The following TBL1Y variants were observed in gnomAD, a reference collection of about 807,000 sequenced individuals.
The protein encoded by TBL1Y is transducin beta like 1 Y-linked, also known as F-box-like/WD repeat-containing protein TBL1Y.
TBL1Y carries 15 observed loss-of-function variants against 12.0 expected under a neutral mutation model. That is an observed-to-expected ratio of 1.25 (90% CI 0.83 to 1.92). TBL1Y has a LOEUF of 1.92. TBL1Y is among the 40% of genes most tolerant of loss of function. The pLI is 0.00. For synonymous variants in TBL1Y, 53 were observed against 42.6 expected (o/e 1.24, Z -0.95); for missense variants, 148 against 116.7 (o/e 1.27, Z -1.24).
intron 3 of TBL1Y, among the ~76,000 whole-genome samples, chrY:6,978,913 G>T: frequency 3.1e-5 from 1 of 32,450 alleles, no homozygotes. Flanking sequence ...TTGTACAACA[G>T]TGCACTATTA....
chrY:7,002,461 A>C, intron 4 of TBL1Y, among the ~76,000 whole-genome samples: 1 of 33,621 alleles, frequency 3.0e-5, no homozygotes, highest in African/African-American at 1.2e-4. Context: ...CAGGCGCCTG[A>C]GGGAAAAGAC....
intron 4 of TBL1Y, among the ~76,000 whole-genome samples, chrY:7,020,351 A>T: frequency 3.0e-5 from 1 of 33,324 alleles, no homozygotes; most frequent in Non-Finnish European, 7.4e-5. Context: ...TGGGACGCTG[A>T]GGTGGGTGGA....
At chrY:7,037,493 T>C in intron 6 of TBL1Y, among the ~76,000 whole-genome samples, 1 of 33,831 alleles carries the variant, frequency 3.0e-5, no homozygotes, top group Non-Finnish European at 7.3e-5. Context: ...TTTGTTTTTA[T>C]GTATGGTGAG....
intron 8 of TBL1Y, 39 bp downstream of exon 8, chrY:7,064,188 G>C (rs777753133): frequency 1.5e-5 from 6 of 394,263 alleles, no homozygotes; most frequent in South Asian, 3.0e-5. Context: ...GGGCCTCTCT[G>C]GGTTCATTGT....
intron 7 of TBL1Y, among the ~76,000 whole-genome samples, chrY:7,061,591 C>T: frequency 3.1e-5 from 1 of 32,121 alleles, no homozygotes; most frequent in Non-Finnish European, 7.6e-5. Flanking sequence ...CTACCAGCTG[C>T]TTATACCGCT....
chrY:7,063,981 C>T lies in TBL1Y; in HGVS notation c.289C>T (p.Gln97Ter). The T allele has an allele frequency of 2.5e-6, 1 of 398,454 alleles. No individual in the cohort carries two copies. Among genetic ancestry groups the T allele is most frequent in the Non-Finnish European group, 3.5e-6 (1 of 283,504 alleles). ...TCCTGATGTGGTGCAGATGCGGCAGCAGGCATTTGGAGAGAAGCTCACTCA... is the reference window on the plus strand; with the variant it reads ...TCCTGATGTGGTGCAGATGCGGCAGTAGGCATTTGGAGAGAAGCTCACTCA... ...VIPDVVQMRQ[Q>*]AFGEKLTQQQ... Residue 97 changes from glutamine (Q) to a stop codon, truncating the protein, a stop_gained, in exon 8 of 19, where the codon CAG becomes TAG. Transcript: ENST00000383032. LOFTEE classifies it high-confidence loss of function.
At chrY:6,956,905 A>G (rs758083982) in intron 2 of TBL1Y, among the ~76,000 whole-genome samples, 30 of 33,892 alleles carry the variant, frequency 8.9e-4, no homozygotes, top group African/African-American at 3.3e-3. Flanking sequence ...TGTTGCTTCT[A>G]TGACATGGGA....
At chrY:6,986,388 A>G in intron 3 of TBL1Y, among the ~76,000 whole-genome samples, 2 of 33,051 alleles carry the variant, frequency 6.1e-5, no homozygotes, top group Non-Finnish European at 1.5e-4. Flanking sequence ...TGAGCCAGGT[A>G]TGGTGGGGTC....
intron 13 of TBL1Y, among the ~76,000 whole-genome samples, chrY:7,078,916 G>A (rs747012955): frequency 3.0e-5 from 1 of 33,555 alleles, no homozygotes; most frequent in South Asian, 6.7e-4. Context: ...GGCCCCTGCA[G>A]TGGAGAGAGG....
At chrY:6,913,287 A>G in intron 2 of TBL1Y, among the ~76,000 whole-genome samples, 1 of 33,017 alleles carries the variant, frequency 3.0e-5, no homozygotes, top group Non-Finnish European at 7.4e-5. Context: ...AATGGACTGC[A>G]TGGAGATATA....
At chrY:7,074,970 C>T in intron 13 of TBL1Y, among the ~76,000 whole-genome samples, 1 of 33,023 alleles carries the variant, frequency 3.0e-5, no homozygotes, top group Non-Finnish European at 7.5e-5. Flanking sequence ...CCATTAATGA[C>T]GAATGTCTGA....
intron 2 of TBL1Y, among the ~76,000 whole-genome samples, chrY:6,935,205 C>G (rs1603026761): frequency 3.1e-5 from 1 of 32,486 alleles, no homozygotes; most frequent in Non-Finnish European, 7.5e-5. Context: ...ACCAGCACCA[C>G]AATCAAAGAA....
At chrY:7,075,781 C>A in intron 13 of TBL1Y, among the ~76,000 whole-genome samples, 1 of 33,215 alleles carries the variant, frequency 3.0e-5, no homozygotes, top group East Asian at 7.9e-4. Flanking sequence ...CCTTTGCGGA[C>A]AGGAAGGGTT....
chrY:6,984,305 G>A, intron 3 of TBL1Y, among the ~76,000 whole-genome samples: 1 of 32,983 alleles, frequency 3.0e-5, no homozygotes, highest in Non-Finnish European at 7.5e-5. Context: ...GCTTCTTCAC[G>A]GGTCCCTATG....
At chrY:7,070,972 C>A in intron 10 of TBL1Y, 111 bp downstream of exon 10, 1 of 273,858 alleles carries the variant, frequency 3.7e-6, no homozygotes, top group Non-Finnish European at 5.2e-6. Context: ...GTCCCATGTA[C>A]TCAGGCCCAA....
At chrY:7,063,390 G>C in intron 7 of TBL1Y, among the ~76,000 whole-genome samples, 1 of 33,418 alleles carries the variant, frequency 3.0e-5, no homozygotes, top group Non-Finnish European at 7.4e-5. Context: ...TTCCGCAATT[G>C]GCTAGGGTTA....
intron 2 of TBL1Y, among the ~76,000 whole-genome samples, chrY:6,965,585 G>A: frequency 1.2e-4 from 4 of 33,420 alleles, no homozygotes; most frequent in South Asian, 6.8e-4. Flanking sequence ...ATGTATGTTC[G>A]AGGGCTATTT....
At chrY:7,069,050 G>C (rs2013005531) in intron 8 of TBL1Y, among the ~76,000 whole-genome samples, 1 of 30,498 alleles carries the variant, frequency 3.3e-5, no homozygotes, top group Non-Finnish European at 7.6e-5. Context: ...TCCTTCCTCA[G>C]TGGCAGGTAA....
At chrY:7,047,691 G>T (rs2012766450) in intron 7 of TBL1Y, among the ~76,000 whole-genome samples, 1 of 32,022 alleles carries the variant, frequency 3.1e-5, no homozygotes, top group Non-Finnish European at 7.5e-5. Context: ...TTCAGTATCA[G>T]CTGCTTTAAC....
Sources: gnomAD v4.1 joint callset for allele counts (sites outside exome capture counted in the v4.1 genomes callset) on GRCh38, gnomAD v4.1.1 for gene constraint, MANE v1.5 for transcripts, NCBI Gene and HGNC (gene_info 2026-07-23, HGNC 2026-07-21) for gene names.